The following SEMA5A variants were observed in gnomAD, a reference collection of about 807,000 sequenced individuals.
SEMA5A encodes the protein semaphorin 5A.
A neutral mutation model predicts 135.5 loss-of-function variants in SEMA5A; 55 were observed. The ratio of observed to expected loss-of-function variants is 0.41; its 90% confidence interval spans 0.33 to 0.51. SEMA5A has a LOEUF of 0.51. Ranked by LOEUF, SEMA5A falls within the 20% of genes least tolerant of loss-of-function variation. The probability of loss-of-function intolerance (pLI) is 0.37; values close to 1 mark genes in which losing one functional copy is unlikely to be tolerated. For synonymous variants in SEMA5A, 580 were observed against 546.5 expected (o/e 1.06, Z -0.85); for missense variants, 1,290 against 1,419.9 (o/e 0.91, Z 1.47).
chr5:9,375,953 A>G (rs1282688532), intron 3 of SEMA5A, among the ~76,000 whole-genome samples: 1 of 151,964 alleles, frequency 6.6e-6, no homozygotes, highest in African/African-American at 2.4e-5. Flanking sequence ...TCTTGATTCT[A>G]TATGGAATCA....
intron 2 of SEMA5A, among the ~76,000 whole-genome samples, chr5:9,392,251 T>A (rs1756194005): frequency 6.6e-6 from 1 of 152,180 alleles, no homozygotes; most frequent in South Asian, 2.1e-4. Context: ...TACTTAAAAT[T>A]GCTTGACTGA....
intron 15 of SEMA5A, among the ~76,000 whole-genome samples, 193 bp downstream of exon 15, chr5:9,118,805 C>T (rs1472445267): frequency 6.6e-6 from 1 of 152,142 alleles, no homozygotes; most frequent in Non-Finnish European, 1.5e-5. Flanking sequence ...CCAGAGCAGC[C>T]CAGTGATGCT....
At position 9,197,322 on chromosome 5, in the gene SEMA5A, A is replaced by AGAG. The variant is rs3216958; in HGVS notation, c.933-22_933-20dup. 560,618 of 1,608,874 alleles carry AGAG rather than the reference A, an allele frequency of 0.35. 99,031 individuals are homozygous for AGAG. The highest frequency in any genetic ancestry group is 0.44 in the African/African-American group (33,130 of 74,802). ...GCTGTTCCTGGGAGCGGAGGGAGAG[A>AGAG]GAGAAGGCAGTCAGAGAGCTCGGCA... On this transcript the variant is annotated intron_variant, in intron 9 of 22. Transcript: ENST00000382496.
At chr5:9,348,206 C>G (rs991568198) in intron 3 of SEMA5A, among the ~76,000 whole-genome samples, 2 of 152,164 alleles carry the variant, frequency 1.3e-5, no homozygotes, top group Non-Finnish European at 2.9e-5. Context: ...TTGTTTATAA[C>G]TTTCAAGATC....
At chr5:9,467,090 G>T (rs1759288470) in intron 1 of SEMA5A, among the ~76,000 whole-genome samples, 1 of 152,180 alleles carries the variant, frequency 6.6e-6, no homozygotes, top group Non-Finnish European at 1.5e-5. Flanking sequence ...CAGATGCCAA[G>T]AACAGGGAGA....
chr5:9,298,431 G>C (rs1004009691), intron 5 of SEMA5A, among the ~76,000 whole-genome samples: 2 of 152,146 alleles, frequency 1.3e-5, no homozygotes, highest in Admixed American at 6.5e-5. Flanking sequence ...AGAACTGTGA[G>C]GTCATCCATT....
rs1449952703 is a variant in SEMA5A at position 9,204,252 on chromosome 5, G to A, written c.647-2012C>T. Among the ~76,000 whole-genome samples the A allele has an allele frequency of 6.6e-6, 1 of 152,178 alleles. No homozygotes were observed. The highest frequency in any genetic ancestry group is 1.5e-5 in the Non-Finnish European group (1 of 68,034). On this transcript the variant is annotated intron_variant, in intron 8 of 22. Coordinates refer to ENST00000382496, the MANE Select transcript of SEMA5A (RefSeq NM_003966.3). This position sits in a 1 kb window ranked among gnomAD's most constrained non-coding sequence, Gnocchi z 6.4. ...CTTCCTAAAATGTGGAAAACAAAGAGAGAAGGCGTAAGGGTCCAAGTGTGT... is the reference window on the plus strand; with the variant it reads ...CTTCCTAAAATGTGGAAAACAAAGAAAGAAGGCGTAAGGGTCCAAGTGTGT...
chr5:9,471,669 T>A (rs561934512), intron 1 of SEMA5A, among the ~76,000 whole-genome samples: 109 of 152,346 alleles, frequency 7.2e-4, no homozygotes, highest in Non-Finnish European at 1.4e-3. Flanking sequence ...GCATCCTAAA[T>A]AAGTTTATAA....
rs139088667 is a variant in SEMA5A, at chr5:9,305,013, T to C, written c.270+13359A>G. 4.7e-3 allele frequency among the ~76,000 whole-genome samples: 708 copies of C among 152,252 alleles called. 10 individuals carry two copies. The highest frequency in any genetic ancestry group is 0.016 in the African/African-American group (666 of 41,560). ...TTGATATCCTCCTGGAAAGATGCCT[T>C]CGGTAACTGTATCATCTACTCCAAC... On this transcript the variant is annotated intron_variant, in intron 5 of 22. Coordinates refer to ENST00000382496, the MANE Select transcript of SEMA5A (RefSeq NM_003966.3).
chr5:9,506,827 C>T (rs527651480), intron 1 of SEMA5A, among the ~76,000 whole-genome samples: 3 of 152,310 alleles, frequency 2.0e-5, no homozygotes, highest in African/African-American at 7.2e-5. Flanking sequence ...AATCATGCCT[C>T]CCCCTCTATG....
At chr5:9,328,024 T>C (rs1752955087) in intron 4 of SEMA5A, among the ~76,000 whole-genome samples, 1 of 152,238 alleles carries the variant, frequency 6.6e-6, no homozygotes, top group Non-Finnish European at 1.5e-5. Context: ...TTATCTTCAG[T>C]ATTCATACAA....
chr5:9,144,899 G>A (rs961719112), intron 12 of SEMA5A, among the ~76,000 whole-genome samples: 2 of 152,170 alleles, frequency 1.3e-5, no homozygotes, highest in Non-Finnish European at 2.9e-5. Flanking sequence ...ACAACATGAA[G>A]TTGTTTGAAG....
chr5:9,062,661 T>G (rs1737245356), intron 18 of SEMA5A, among the ~76,000 whole-genome samples: 1 of 152,208 alleles, frequency 6.6e-6, no homozygotes, highest in Non-Finnish European at 1.5e-5. Flanking sequence ...GGATGAGGTC[T>G]GGCTATATTG....
At chr5:9,517,942 C>A (rs1736618572) in intron 1 of SEMA5A, 1 of 152,158 alleles carries the variant, frequency 6.6e-6, no homozygotes, top group Non-Finnish European at 1.5e-5. Context: ...CCAACAGAAG[C>A]AACGATTTGC....
chr5:9,403,211 C>T (rs897132585), intron 2 of SEMA5A, among the ~76,000 whole-genome samples: 1 of 152,090 alleles, frequency 6.6e-6, no homozygotes, highest in African/African-American at 2.4e-5. Flanking sequence ...TTGTATATAC[C>T]CCTTATTATT....
At chr5:9,472,703 T>C (rs1176441137) in intron 1 of SEMA5A, among the ~76,000 whole-genome samples, 3 of 152,140 alleles carry the variant, frequency 2.0e-5, no homozygotes, top group Admixed American at 2.0e-4. Context: ...GCAAGCTGCA[T>C]ATGTCCACTG....
At chr5:9,347,408 C>T (rs1173800405) in intron 3 of SEMA5A, among the ~76,000 whole-genome samples, 1 of 152,236 alleles carries the variant, frequency 6.6e-6, no homozygotes, top group Non-Finnish European at 1.5e-5. Context: ...GTGAAGTTCA[C>T]TGTTTCATCT....
chr5:9,458,606 G>A (rs1461109310), intron 1 of SEMA5A, among the ~76,000 whole-genome samples: 1 of 152,196 alleles, frequency 6.6e-6, no homozygotes, highest in Non-Finnish European at 1.5e-5. Flanking sequence ...GTGGCAAACT[G>A]CTCTGGGGCT....
In SEMA5A at chr5:9,038,522, T is replaced by G. The variant is rs1209900935; in HGVS notation, c.*4375A>C. The stretch of plus-strand genomic sequence containing the variant: ...CAGTATTGGGGAAATATTTATGATT[T>G]ATTCTAAAAGCAAAAGGAACACTGC... On this transcript the variant is annotated 3_prime_UTR_variant, in exon 23 of 23. Coordinates refer to ENST00000382496, the MANE Select transcript of SEMA5A (RefSeq NM_003966.3). 1 of 152,230 alleles carries G rather than the reference T, an allele frequency of 6.6e-6. No homozygotes were observed. Among genetic ancestry groups the G allele is most frequent in the Non-Finnish European group, 1.5e-5 (1 of 68,038 alleles). 9.4% of individuals were successfully genotyped at this position (152,230 alleles called of 1,614,324 possible).
Sources: allele counts gnomAD v4.1 joint callset (sites outside exome capture counted in the v4.1 genomes callset), GRCh38; gene constraint gnomAD v4.1.1; non-coding constraint Gnocchi (gnomAD v3.1); transcripts MANE v1.5; gene names NCBI Gene and HGNC (gene_info 2026-07-23, HGNC 2026-07-21).